PKHD1: variants seen among roughly 807,000 people sequenced by gnomAD.
The protein encoded by PKHD1 is PKHD1 ciliary IPT domain containing fibrocystin/polyductin.
In PKHD1, 291 loss-of-function variants were observed where a neutral mutation model predicts 412.0. That is an observed-to-expected ratio of 0.71 (90% CI 0.64 to 0.78). The LOEUF (loss-of-function observed/expected upper bound fraction) is 0.78, where lower values mean the gene tolerates loss of function less well. Ranked by LOEUF, PKHD1 falls within the 30% of genes least tolerant of loss-of-function variation. The pLI is 0.00. For missense variants in PKHD1, 4,825 were observed against 4,950.7 expected (o/e 0.97, Z 0.76); for synonymous variants, 1,777 against 1,821.5 (o/e 0.98, Z 0.62).
At chr6:51,742,787 T>C (rs914942527) in intron 60 of PKHD1, among the ~76,000 whole-genome samples, 8 of 152,116 alleles carry the variant, frequency 5.3e-5, no homozygotes, top group Non-Finnish European at 1.2e-4. Context: ...AATATAATGT[T>C]AAGTACCACG....
chr6:52,054,625 G>A lies in PKHD1; in HGVS notation c.1837-460C>T, dbSNP rs574465650. On this transcript the variant is annotated intron_variant, in intron 19 of 66. Transcript: ENST00000371117. ...GCTGTTGCCACAAGAAGACTTTAGAGCAGGAGTTTTCAGCCTCGGCACTAT... is the reference window on the plus strand; with the variant it reads ...GCTGTTGCCACAAGAAGACTTTAGAACAGGAGTTTTCAGCCTCGGCACTAT... Among the ~76,000 whole-genome samples the A allele has an allele frequency of 5.8e-4, 88 of 152,296 alleles. 4 individuals are homozygous for A. The South Asian group carries it at 0.017, about 30-fold the overall frequency.
At chr6:52,028,971 C>T (rs559693387) in intron 29 of PKHD1, among the ~76,000 whole-genome samples, 1 of 152,354 alleles carries the variant, frequency 6.6e-6, no homozygotes, top group Non-Finnish European at 1.5e-5. Context: ...AAGAGCACCA[C>T]ATATTGGTTG....
At chr6:51,845,378 G>A (rs541312742) in intron 50 of PKHD1, among the ~76,000 whole-genome samples, 80 of 152,268 alleles carry the variant, frequency 5.3e-4, no homozygotes, top group Non-Finnish European at 9.8e-4. Context: ...AACAGAAGTG[G>A]CTCTAGCCAG....
intron 7 of PKHD1, 52 bp from the exon 8 acceptor site, chr6:52,072,241 T>C (rs1277854808): frequency 1.8e-6 from 2 of 1,099,708 alleles, no homozygotes; most frequent in African/African-American, 3.1e-5. Flanking sequence ...TGTGCAATAC[T>C]CCCAATAAAC....
intron 37 of PKHD1, among the ~76,000 whole-genome samples, chr6:51,931,049 G>A (rs1333194307): frequency 6.6e-6 from 1 of 152,186 alleles, no homozygotes; most frequent in Non-Finnish European, 1.5e-5. Flanking sequence ...TGGGAACTGT[G>A]TTTTTCTGAT....
intron 11 of PKHD1, 142 bp downstream of exon 11, chr6:52,069,315 A>G (rs919062863): frequency 1.5e-5 from 11 of 753,190 alleles, no homozygotes; most frequent in Non-Finnish European, 2.5e-5. Context: ...TTTAATCTCA[A>G]CCAAAAACAC....
chr6:51,656,142 C>A (rs1771807425), intron 61 of PKHD1, among the ~76,000 whole-genome samples: 1 of 152,150 alleles, frequency 6.6e-6, no homozygotes, highest in Non-Finnish European at 1.5e-5. Context: ...ACATATACAC[C>A]ATGGAATGCT....
intron 48 of PKHD1, among the ~76,000 whole-genome samples, chr6:51,861,286 CAAT>C (rs1391588788): frequency 6.6e-6 from 1 of 152,164 alleles, no homozygotes; most frequent in Admixed American, 6.5e-5. Flanking sequence ...GTTAGGCAAT[CAAT>C]AATACCAATG....
chr6:51,989,593 TC>T (rs892094826), intron 35 of PKHD1, among the ~76,000 whole-genome samples: 1 of 152,116 alleles, frequency 6.6e-6, no homozygotes, highest in Admixed American at 6.5e-5. Flanking sequence ...AGATATATTT[TC>T]CCATTATCTA....
At chr6:52,007,826 T>C (rs1314297213) in intron 35 of PKHD1, among the ~76,000 whole-genome samples, 1 of 152,218 alleles carries the variant, frequency 6.6e-6, no homozygotes, top group Non-Finnish European at 1.5e-5. Flanking sequence ...GTGCCAGCCA[T>C]AGTTATTTCC....
chr6:51,974,774 G>C (rs1402686494), intron 35 of PKHD1, among the ~76,000 whole-genome samples: 1 of 151,904 alleles, frequency 6.6e-6, no homozygotes, highest in African/African-American at 2.4e-5. Context: ...TTGAGTGATG[G>C]GTGCACCAAA....
chr6:51,848,450 G>A (rs1346570870), intron 49 of PKHD1, among the ~76,000 whole-genome samples: 1 of 152,136 alleles, frequency 6.6e-6, no homozygotes, highest in East Asian at 1.9e-4. Context: ...GTCCTCGAAA[G>A]GCACCCCTGT....
intron 36 of PKHD1, among the ~76,000 whole-genome samples, chr6:51,958,509 T>G (rs1265889463): frequency 1.3e-5 from 2 of 152,214 alleles, no homozygotes; most frequent in South Asian, 4.1e-4. Context: ...CAGCCTCTGG[T>G]GCTGTCAACA....
At chr6:51,851,977 G>A (rs566087747) in intron 49 of PKHD1, among the ~76,000 whole-genome samples, 20 of 151,860 alleles carry the variant, frequency 1.3e-4, no homozygotes, top group Admixed American at 4.6e-4. Flanking sequence ...TGACTCTCTA[G>A]CTCTTTTAAT....
chr6:51,687,775 G>C (rs1224702341), intron 60 of PKHD1, among the ~76,000 whole-genome samples: 1 of 152,174 alleles, frequency 6.6e-6, no homozygotes, highest in South Asian at 2.1e-4. Flanking sequence ...TGCTCTTGGT[G>C]TTGGTAATAA....
intron 66 of PKHD1, among the ~76,000 whole-genome samples, chr6:51,619,763 G>A (rs556208568): frequency 9.2e-5 from 14 of 152,030 alleles, no homozygotes; most frequent in Admixed American, 3.3e-4. Context: ...CATTGTAAGC[G>A]CTAGGCTTCA....
At chr6:51,931,849 AATAAAGGAGAGGG>A (rs1786650911) in intron 37 of PKHD1, among the ~76,000 whole-genome samples, 1 of 150,630 alleles carries the variant, frequency 6.6e-6, no homozygotes, top group African/African-American at 2.4e-5. Flanking sequence ...GGAGAAGGAG[AATAAAGGAGAGGG>A]AGGGAGGAGA....
chr6:52,014,156 C>G (rs561200622), intron 34 of PKHD1, among the ~76,000 whole-genome samples: 2 of 152,338 alleles, frequency 1.3e-5, no homozygotes, highest in South Asian at 2.1e-4. Context: ...TCTCAGTCTA[C>G]TCCCACCCTC....
intron 27 of PKHD1, among the ~76,000 whole-genome samples, chr6:52,041,802 G>T (rs113831562): frequency 6.6e-6 from 1 of 152,140 alleles, no homozygotes; most frequent in African/African-American, 2.4e-5. Context: ...TTTTAAAACT[G>T]AGTCTTGTGT....
Sources: allele counts gnomAD v4.1 joint callset (sites outside exome capture counted in the v4.1 genomes callset), GRCh38; gene constraint gnomAD v4.1.1; transcripts MANE v1.5; gene names NCBI Gene and HGNC (gene_info 2026-07-23, HGNC 2026-07-21).